STXBP6: variants seen among roughly 807,000 people sequenced by gnomAD.
The protein encoded by STXBP6 is syntaxin binding protein 6.
In STXBP6, 21 loss-of-function variants were observed where a neutral mutation model predicts 26.9. The observed-to-expected ratio is 0.78, with a 90% CI of 0.55 to 1.12. The LOEUF is 1.12. Among genes scored for constraint, STXBP6 ranks in the 50% most tolerant of loss-of-function variants. STXBP6 has a pLI of 0.00. For synonymous variants in STXBP6, 97 were observed against 92.6 expected (o/e 1.05, Z -0.27); for missense variants, 232 against 257.9 (o/e 0.90, Z 0.69).
Position 24,910,762 on chromosome 14 carries a change from G to T in STXBP6, c.155-53605C>A, listed in dbSNP as rs186395482. On this transcript the variant is annotated intron_variant, in intron 2 of 5. Coordinates refer to ENST00000323944, the MANE Select transcript of STXBP6 (RefSeq NM_001394410.1). ...TAACTCTACTGCTAATATCAGAGAT[G>T]TTAAAACAACCACTACCACGCAGAA... 2.0e-3 allele frequency among the ~76,000 whole-genome samples: 310 copies of T among 152,320 alleles called. 1 individual carries two copies. The highest frequency in any genetic ancestry group is 7.0e-3 in the African/African-American group (291 of 41,566).
chr14:24,863,198 C>A (rs1200136180), intron 2 of STXBP6, among the ~76,000 whole-genome samples: 1 of 152,134 alleles, frequency 6.6e-6, no homozygotes, highest in East Asian at 1.9e-4. Context: ...CCCCACTGCC[C>A]TCCCCAGACT....
At chr14:24,874,579 T>G (rs1421577076) in intron 2 of STXBP6, among the ~76,000 whole-genome samples, 1 of 152,168 alleles carries the variant, frequency 6.6e-6, no homozygotes, top group Non-Finnish European at 1.5e-5. Flanking sequence ...CACCAAAGCA[T>G]AAAGCCAAGC....
At chr14:24,930,218 T>C (rs10132316) in intron 2 of STXBP6, among the ~76,000 whole-genome samples, 37,337 of 152,194 alleles carry the variant, frequency 0.25, 4,855 homozygotes, top group African/African-American at 0.33. Context: ...GTGGGGATAA[T>C]AGCCTGCACT....
chr14:25,013,465 TTC>T (rs1491314105), intron 1 of STXBP6, among the ~76,000 whole-genome samples: 1 of 100,018 alleles, frequency 1.0e-5, no homozygotes, highest in African/African-American at 5.1e-5. Flanking sequence ...ACATCTCTCT[TTC>T]ACACACACAC....
rs1566525634 is a variant in STXBP6, at chr14:24,974,791, C to T, written c.28G>A (p.Glu10Lys). 2 of 1,609,062 alleles carry T rather than the reference C, an allele frequency of 1.2e-6. No homozygotes were observed. The highest frequency in any genetic ancestry group is 1.7e-6 in the Non-Finnish European group (2 of 1,177,346). Residue 10 changes from glutamate (E) to lysine (K), a missense_variant, in exon 2 of 6, where the codon GAA (glutamate) becomes AAA (lysine). Transcript: ENST00000323944. ...CTTTCATCAAGAGGTGCAAAAATTTCCTTGCTGATAGCAGATTTGGCACTC... is the reference window on the plus strand; with the variant it reads ...CTTTCATCAAGAGGTGCAAAAATTTTCTTGCTGATAGCAGATTTGGCACTC... MSAKSAISK[E>K]IFAPLDERML...
intron 2 of STXBP6, among the ~76,000 whole-genome samples, chr14:24,861,038 AAAAAG>A (rs964458342): frequency 1.2e-4 from 19 of 152,138 alleles, no homozygotes; most frequent in Middle Eastern, 3.2e-3. Context: ...CATTTCTCAA[AAAAAG>A]AAAGAAAGAA....
intron 1 of STXBP6, among the ~76,000 whole-genome samples, chr14:25,008,874 A>T (rs928753095): frequency 1.3e-5 from 2 of 152,210 alleles, no homozygotes; most frequent in Admixed American, 6.5e-5. Flanking sequence ...TTAAATCCCA[A>T]AACGAAGAGT....
intron 2 of STXBP6, among the ~76,000 whole-genome samples, chr14:24,887,022 TG>T (rs2070614936): frequency 6.6e-6 from 1 of 152,214 alleles, no homozygotes; most frequent in South Asian, 2.1e-4. Context: ...ATCTAGCTTC[TG>T]TCCTACCCAA....
chr14:24,899,741 A>T (rs1343098447), intron 2 of STXBP6, among the ~76,000 whole-genome samples: 1 of 132,292 alleles, frequency 7.6e-6, no homozygotes, highest in Non-Finnish European at 1.5e-5. Context: ...AGATCGTGCC[A>T]CCGCACTCTA....
intron 1 of STXBP6, among the ~76,000 whole-genome samples, chr14:24,977,115 C>G (rs373000367): frequency 6.7e-6 from 1 of 149,914 alleles, no homozygotes; most frequent in East Asian, 1.9e-4. Flanking sequence ...GCACCCGCCT[C>G]GGCCTCCCTA....
chr14:24,820,204 T>C (rs3759642), intron 4 of STXBP6, among the ~76,000 whole-genome samples: 27,498 of 152,180 alleles, frequency 0.18, 4,067 homozygotes, highest in African/African-American at 0.41. Flanking sequence ...ATAAGTTTAT[T>C]ACATCATTTA....
At chr14:24,839,863 G>A (rs2068736673) in intron 4 of STXBP6, among the ~76,000 whole-genome samples, 1 of 152,128 alleles carries the variant, frequency 6.6e-6, no homozygotes, top group Admixed American at 6.6e-5. Flanking sequence ...TCTTGCTACT[G>A]AATCTGTGTT....
chr14:24,847,257 T>G (rs994835662), intron 4 of STXBP6, among the ~76,000 whole-genome samples: 3 of 152,174 alleles, frequency 2.0e-5, no homozygotes, highest in Non-Finnish European at 2.9e-5. Context: ...TTCTTGATGC[T>G]TCTATGTTAC....
At chr14:24,881,065 T>C (rs2070339051) in intron 2 of STXBP6, among the ~76,000 whole-genome samples, 1 of 152,192 alleles carries the variant, frequency 6.6e-6, no homozygotes, top group Admixed American at 6.5e-5. Context: ...CCATACACCT[T>C]ACTTTGCAGG....
At chr14:25,042,580 A>C (rs978805169) in intron 1 of STXBP6, among the ~76,000 whole-genome samples, 3 of 152,230 alleles carry the variant, frequency 2.0e-5, no homozygotes, top group African/African-American at 4.8e-5. Context: ...TAACTTGCGC[A>C]AGGTCACGCA....
intron 4 of STXBP6, among the ~76,000 whole-genome samples, chr14:24,835,838 C>T (rs1433332763): frequency 6.6e-6 from 1 of 152,194 alleles, no homozygotes; most frequent in African/African-American, 2.4e-5. Context: ...TTTCTCTTAC[C>T]TAAAAGAGGT....
In STXBP6 at chr14:24,924,213, G is replaced by A. The variant is rs1319872602; in HGVS notation, c.154+50452C>T. ...CATCTATGCCCCACTGCCCTGTAATGCCACCTGTCAAATATTACATTTCCA... is the reference window on the plus strand; with the variant it reads ...CATCTATGCCCCACTGCCCTGTAATACCACCTGTCAAATATTACATTTCCA... On this transcript the variant is annotated intron_variant, in intron 2 of 5. Coordinates refer to ENST00000323944, the MANE Select transcript of STXBP6 (RefSeq NM_001394410.1). 2.6e-5 allele frequency among the ~76,000 whole-genome samples: 4 copies of A among 152,078 alleles called. No homozygotes were observed. The South Asian group carries it at 8.3e-4, about 31-fold the overall frequency.
chr14:24,983,973 A>C (rs1947683416), intron 1 of STXBP6, among the ~76,000 whole-genome samples: 1 of 152,234 alleles, frequency 6.6e-6, no homozygotes, highest in Non-Finnish European at 1.5e-5. Flanking sequence ...CATCAATTTT[A>C]AAACATTCCT....
chr14:25,005,354 C>A (rs2074865434), intron 1 of STXBP6, among the ~76,000 whole-genome samples: 1 of 152,122 alleles, frequency 6.6e-6, no homozygotes, highest in South Asian at 2.1e-4. Flanking sequence ...AAAAGGGGAA[C>A]TATATAAATG....
Sources: allele counts gnomAD v4.1 joint callset (sites outside exome capture counted in the v4.1 genomes callset), GRCh38; gene constraint gnomAD v4.1.1; transcripts MANE v1.5; gene names NCBI Gene and HGNC (gene_info 2026-07-23, HGNC 2026-07-21).